Variants in NTM observed in about 807,000 individuals in gnomAD.
NTM encodes IgLON family member 2.
NTM carries 13 observed loss-of-function variants against 42.1 expected under a neutral mutation model. The observed-to-expected ratio is 0.31, with a 90% CI of 0.20 to 0.49. The LOEUF is 0.49. NTM is among the 20% of genes least tolerant of loss of function. NTM has a pLI of 0.99. For missense variants in NTM, 373 were observed against 452.8 expected, an observed-to-expected ratio of 0.82 and a Z score of 1.60; for synonymous variants, 187 against 179.2, an observed-to-expected ratio of 1.04 and a Z score of -0.35.
chr11:131,803,214 A>T (rs2092272497), intron 1 of NTM, among the ~76,000 whole-genome samples: 1 of 152,152 alleles, frequency 6.6e-6, no homozygotes, highest in Non-Finnish European at 1.5e-5. Flanking sequence ...GTTTCCTGGC[A>T]TCTTCACGCT....
At chr11:131,583,850 A>C (rs1381064365) in intron 1 of NTM, among the ~76,000 whole-genome samples, 5 of 152,206 alleles carry the variant, frequency 3.3e-5, no homozygotes, top group Admixed American at 3.3e-4. Context: ...TATGAAACCC[A>C]TAGATGAACC....
chr11:132,087,175 G>C (rs764022408), intron 2 of NTM, among the ~76,000 whole-genome samples: 1 of 152,150 alleles, frequency 6.6e-6, no homozygotes, highest in Non-Finnish European at 1.5e-5. Flanking sequence ...CAGTGACCTT[G>C]ATAGGGTGCC....
chr11:132,159,927 G>A lies in NTM; in HGVS notation c.400+13413G>A, dbSNP rs1303000545. On this transcript the variant is annotated intron_variant, in intron 3 of 8. Transcript: ENST00000683400. Reference sequence around the variant, plus strand: ...AGTAGGAACTGTGTCAAATAGGTGAGCAGGCCTGTTCTGGGTTTCTAATTA... The same window carrying A: ...AGTAGGAACTGTGTCAAATAGGTGAACAGGCCTGTTCTGGGTTTCTAATTA... Among the ~76,000 whole-genome samples, 4 of 152,224 alleles carry A rather than the reference G, an allele frequency of 2.6e-5. No individual in the cohort carries two copies. In the South Asian group the frequency reaches 6.2e-4, roughly 24 times the overall value.
At chr11:132,221,565 C>A (rs2085167111) in intron 4 of NTM, among the ~76,000 whole-genome samples, 1 of 152,102 alleles carries the variant, frequency 6.6e-6, no homozygotes, top group South Asian at 2.1e-4. Context: ...ACCATTGCAT[C>A]AACCAGCATC....
intron 2 of NTM, among the ~76,000 whole-genome samples, chr11:131,916,105 C>T (rs1041716478): frequency 1.3e-5 from 2 of 152,196 alleles, no homozygotes; most frequent in Non-Finnish European, 2.9e-5. Flanking sequence ...TGGGCGATCA[C>T]GCTGTCCGTG....
chr11:131,789,567 A>G lies in NTM; in HGVS notation c.83-121997A>G, dbSNP rs1244913545. Among the ~76,000 whole-genome samples, 12 of 40,170 alleles carry G rather than the reference A, an allele frequency of 3.0e-4. 2 individuals carry two copies. Among genetic ancestry groups the G allele is most frequent in the East Asian group, 1.3e-3 (2 of 1,522 alleles). 26.4% of individuals were successfully genotyped at this position (40,170 alleles called of 152,430 possible). The stretch of plus-strand genomic sequence containing the variant: ...GAAGAAAAGAAGAAGAAGAAGAAGA[A>G]GAAGAAGAAGAAGAAGAAGAAGAAG... On this transcript the variant is annotated intron_variant, in intron 1 of 8. Transcript: ENST00000683400.
At chr11:132,233,155 G>A (rs1305936820) in intron 4 of NTM, among the ~76,000 whole-genome samples, 3 of 152,178 alleles carry the variant, frequency 2.0e-5, no homozygotes, top group Admixed American at 6.5e-5. Flanking sequence ...GGGGACTCAC[G>A]CCTGTAATCC....
At chr11:131,702,566 A>G (rs2076182713) in intron 1 of NTM, among the ~76,000 whole-genome samples, 1 of 152,194 alleles carries the variant, frequency 6.6e-6, no homozygotes, top group Admixed American at 6.5e-5. Flanking sequence ...GGAGAGGTGC[A>G]TCATGGGATG....
Position 132,146,429 on chromosome 11 carries a change from G to T in NTM, c.315G>T (p.Val105=), listed in dbSNP as rs753027054. 1.2e-6 allele frequency: 2 copies of T among 1,614,218 alleles called. No homozygotes were observed. The highest frequency in any genetic ancestry group is 2.2e-5 in the South Asian group (2 of 91,084). The part of the protein sequence containing the change: ...QTQYSIEIQN[V]DVYDEGPYTC... ...AGTACAGCATCGAGATCCAGAACGT[G>T]GATGTGTATGACGAGGGCCCTTACA... Residue 105 remains valine (V), a synonymous_variant, in exon 3 of 9, where the codon GTG becomes GTT. Transcript: ENST00000683400. This position sits in a 1 kb window ranked among gnomAD's most constrained non-coding sequence, Gnocchi z 4.5.
intron 2 of NTM, among the ~76,000 whole-genome samples, chr11:132,046,453 A>G (rs193058618): frequency 1.4e-4 from 21 of 152,272 alleles, no homozygotes; most frequent in Middle Eastern, 3.4e-3. Context: ...GAAATCATAC[A>G]TCTTTACTGC....
At chr11:132,069,903 A>G (rs1036396139) in intron 2 of NTM, among the ~76,000 whole-genome samples, 4 of 149,710 alleles carry the variant, frequency 2.7e-5, no homozygotes, top group African/African-American at 1.0e-4. Context: ...TTTACACGTC[A>G]CACAGCCAAA....
At chr11:131,474,881 A>G (rs1022694900) in intron 1 of NTM, among the ~76,000 whole-genome samples, 3 of 152,168 alleles carry the variant, frequency 2.0e-5, no homozygotes, top group African/African-American at 7.2e-5. Context: ...ATTAGTACCC[A>G]TATTTGACCA....
chr11:132,116,595 A>T lies in NTM; in HGVS notation c.168-29687A>T, dbSNP rs558901573. On this transcript the variant is annotated intron_variant, in intron 2 of 8. Transcript: ENST00000683400. ...GTAGTAACTATAGGGTGTCCTTAAC[A>T]TCATTCAGAGCAGGAGTGTTCCTTC... is the stretch of plus-strand genomic sequence containing the variant. Among the ~76,000 whole-genome samples the T allele has an allele frequency of 3.5e-4, 54 of 152,270 alleles. 1 individual carries two copies. The South Asian group carries it at 1.0e-2, about 28-fold the overall frequency.
At chr11:132,110,922 A>G (rs910023635) in intron 2 of NTM, among the ~76,000 whole-genome samples, 3 of 151,350 alleles carry the variant, frequency 2.0e-5, no homozygotes, top group African/African-American at 7.3e-5. Flanking sequence ...ATAAAAATAA[A>G]AGGCATGGTG....
chr11:131,422,515 G>A (rs905158176), intron 1 of NTM, among the ~76,000 whole-genome samples: 1 of 152,190 alleles, frequency 6.6e-6, no homozygotes, highest in Non-Finnish European at 1.5e-5. Context: ...AGTCCTTCTG[G>A]AATCTGCTCT....
intron 2 of NTM, among the ~76,000 whole-genome samples, chr11:132,024,715 G>C (rs751247898): frequency 7.2e-5 from 11 of 152,106 alleles, no homozygotes; most frequent in Non-Finnish European, 1.5e-4. Flanking sequence ...GGTATATTCC[G>C]GACTTTCCCT....
chr11:131,964,446 A>G (rs2062584568), intron 2 of NTM, among the ~76,000 whole-genome samples: 1 of 152,230 alleles, frequency 6.6e-6, no homozygotes, highest in African/African-American at 2.4e-5. Context: ...GGCATAGCCA[A>G]AGTGACAAGT....
chr11:132,183,111 C>A (rs1418067885), intron 3 of NTM, among the ~76,000 whole-genome samples: 1 of 152,166 alleles, frequency 6.6e-6, no homozygotes, highest in Non-Finnish European at 1.5e-5. Flanking sequence ...GCTGGCACAC[C>A]CTTGAACTTA....
chr11:131,407,856 G>T lies in NTM; in HGVS notation c.82+36968G>T, dbSNP rs556305494. ...TGAGCAAATATGCCAGTAGCATTTG[G>T]GTTAATGAACTGTGCCTTTTAATAA... On this transcript the variant is annotated intron_variant, in intron 1 of 8. Coordinates refer to ENST00000683400, the MANE Select transcript of NTM (RefSeq NM_001352005.2). 1.6e-4 allele frequency among the ~76,000 whole-genome samples: 24 copies of T among 152,278 alleles called. No individual in the cohort carries two copies. The South Asian group carries it at 4.6e-3, about 29-fold the overall frequency.
Sources: allele counts gnomAD v4.1 joint callset (sites outside exome capture counted in the v4.1 genomes callset), GRCh38; gene constraint gnomAD v4.1.1; non-coding constraint Gnocchi (gnomAD v3.1); transcripts MANE v1.5; gene names NCBI Gene and HGNC (gene_info 2026-07-23, HGNC 2026-07-21).